The following ABLIM2 variants were observed in gnomAD, a reference collection of about 807,000 sequenced individuals.
The protein encoded by ABLIM2 is actin binding LIM protein family member 2, also known as actin-binding LIM protein 2.
In ABLIM2, 53 loss-of-function variants were observed where a neutral mutation model predicts 97.7. The ratio of observed to expected loss-of-function variants is 0.54; its 90% CI spans 0.44 to 0.68. The LOEUF (loss-of-function observed/expected upper bound fraction) is 0.68, where lower values mean the gene tolerates loss of function less well. ABLIM2 is among the 30% of genes least tolerant of loss of function. The probability of loss-of-function intolerance (pLI) is 0.00; values close to 1 mark genes in which losing one functional copy is unlikely to be tolerated. For missense variants in ABLIM2, 835 were observed against 867.2 expected, an observed-to-expected ratio of 0.96 and a Z score of 0.47; for synonymous variants, 361 against 345.8, an observed-to-expected ratio of 1.04 and a Z score of -0.49.
chr4:8,141,181 C>T (rs1320689381), intron 1 of ABLIM2, among the ~76,000 whole-genome samples: 3 of 152,056 alleles, frequency 2.0e-5, no homozygotes, highest in South Asian at 2.1e-4. Context: ...TGACCTTGGC[C>T]ACCCCCTCTC....
Position 8,058,197 on chromosome 4 carries a change from C to T in ABLIM2, c.763+2770G>A, listed in dbSNP as rs991903321. Among the ~76,000 whole-genome samples the T allele has an allele frequency of 2.0e-5, 3 of 152,370 alleles. No homozygotes were observed. Among genetic ancestry groups the T allele is most frequent in the Middle Eastern group, 6.8e-3 (2 of 294 alleles). On this transcript the variant is annotated intron_variant, in intron 7 of 20. Transcript: ENST00000447017. This position sits in a 1 kb window ranked among gnomAD's most constrained non-coding sequence, Gnocchi z 4.2. ...CCCCACTGTCTAAGGGTGCCCTTTA[C>T]TGTGGGGGCCAAACCCCATGCAGAG... is the stretch of plus-strand genomic sequence containing the variant.
chr4:8,092,023 A>C (rs1160962202), intron 3 of ABLIM2, among the ~76,000 whole-genome samples: 1 of 144,936 alleles, frequency 6.9e-6, no homozygotes, highest in African/African-American at 2.6e-5. Context: ...TTTGAGACAG[A>C]GTCTTGCTCT....
chr4:8,039,742 C>A (rs1000579608), intron 9 of ABLIM2, among the ~76,000 whole-genome samples: 2 of 152,160 alleles, frequency 1.3e-5, no homozygotes, highest in African/African-American at 4.8e-5. Context: ...ATAATATGTT[C>A]AGTGTGACCC....
chr4:8,077,902 G>A (rs1817293927), intron 5 of ABLIM2, among the ~76,000 whole-genome samples, 181 bp from the exon 6 acceptor site: 2 of 152,220 alleles, frequency 1.3e-5, no homozygotes, highest in African/African-American at 4.8e-5. Context: ...AGCCCCATGA[G>A]AAATATGATG....
Position 7,965,779 on chromosome 4 carries a change from CATCTCCATCCTATCTCCATCCT to C in ABLIM2, c.*1189_*1210del, listed in dbSNP as rs34296042. The C allele has an allele frequency of 6.6e-6, 1 of 152,164 alleles. No individual in the cohort carries two copies. Among genetic ancestry groups the C allele is most frequent in the African/African-American group, 2.4e-5 (1 of 41,408 alleles). The allele number at this position is 152,164 out of a possible 1,614,324, so 9.4% of individuals were successfully genotyped here. Reference sequence around the variant, plus strand: ...CTGGCTTCAAAGATGAGAAGAGCCACATCTCCATCCTATCTCCATCCTATCTCCATCCTTCTCTCCCCAACAG... The same window carrying C: ...CTGGCTTCAAAGATGAGAAGAGCCACATCTCCATCCTTCTCTCCCCAACAG... On this transcript the variant is annotated 3_prime_UTR_variant, in exon 21 of 21. Coordinates refer to ENST00000447017, the MANE Select transcript of ABLIM2 (RefSeq NM_001130083.2).
rs1400270223 is a variant in ABLIM2, at chr4:8,054,570, T to A, written c.764-324A>T. Among the ~76,000 whole-genome samples the A allele has an allele frequency of 2.0e-5, 3 of 152,212 alleles. No homozygotes were observed. The highest frequency in any genetic ancestry group is 4.4e-5 in the Non-Finnish European group (3 of 68,024). On this transcript the variant is annotated intron_variant, in intron 7 of 20. Coordinates refer to ENST00000447017, the MANE Select transcript of ABLIM2 (RefSeq NM_001130083.2). This position sits in a 1 kb window ranked among gnomAD's most constrained non-coding sequence, Gnocchi z 4.9. ...AACCTGGGGGGCAGCTGGAAGATTC[T>A]TCTCTGAGGAGGGGGTATTTGAAGG... is the stretch of plus-strand genomic sequence containing the variant.
intron 20 of ABLIM2, among the ~76,000 whole-genome samples, chr4:7,981,179 A>G (rs1401094018): frequency 2.0e-5 from 3 of 151,828 alleles, no homozygotes; most frequent in African/African-American, 4.8e-5. Flanking sequence ...TCCTGACCTC[A>G]TGATCTGCCC....
Position 8,095,996 on chromosome 4 carries a change from T to C in ABLIM2, c.338+1103A>G, listed in dbSNP as rs966941910. ...CGGCGCTCTTGCTCTGTGGTGCCCC[T>C]GCCCCTCTGGTATTCTGCCCAACAT... On this transcript the variant is annotated intron_variant, in intron 3 of 20. Transcript: ENST00000447017. The surrounding 1 kb of genome is among the most constrained non-coding windows in gnomAD (Gnocchi z 4.7). Among the ~76,000 whole-genome samples the C allele has an allele frequency of 6.6e-6, 1 of 152,192 alleles. No individual in the cohort carries two copies. The highest frequency in any genetic ancestry group is 2.4e-5 in the African/African-American group (1 of 41,438).
chr4:8,033,246 A>G lies in ABLIM2; in HGVS notation c.1047+2903T>C, dbSNP rs1429548901. On this transcript the variant is annotated intron_variant, in intron 10 of 20. Transcript: ENST00000447017. This position sits in a 1 kb window ranked among gnomAD's most constrained non-coding sequence, Gnocchi z 4.5. ...GCATGGAGGTGGGAGGGGCCCAGAAAGAGCACAGCCCTTGTGAGGTGAGCA... is the reference window on the plus strand; with the variant it reads ...GCATGGAGGTGGGAGGGGCCCAGAAGGAGCACAGCCCTTGTGAGGTGAGCA... Among the ~76,000 whole-genome samples, 2 of 152,226 alleles carry G rather than the reference A, an allele frequency of 1.3e-5. No individual in the cohort carries two copies. Among genetic ancestry groups the G allele is most frequent in the Non-Finnish European group, 2.9e-5 (2 of 68,034 alleles).
chr4:8,016,468 G>C (rs1301943970), intron 14 of ABLIM2, among the ~76,000 whole-genome samples: 1 of 152,142 alleles, frequency 6.6e-6, no homozygotes, highest in Non-Finnish European at 1.5e-5. Flanking sequence ...AGCCCCACGG[G>C]TTATATGGCC....
At chr4:8,047,999 T>C (rs1793657137) in intron 8 of ABLIM2, among the ~76,000 whole-genome samples, 2 of 152,224 alleles carry the variant, frequency 1.3e-5, no homozygotes, top group Admixed American at 1.3e-4. Flanking sequence ...TTTCACAGCC[T>C]CCAACTGTGC....
intron 14 of ABLIM2, chr4:8,010,354 CA>C (rs1358583242): frequency 4.1e-5 from 40 of 985,342 alleles, no homozygotes; most frequent in Non-Finnish European, 4.8e-5. Context: ...AACAATTACA[CA>C]AAAACCCGTC....
At chr4:7,983,759 G>T (rs553327474) in intron 18 of ABLIM2, among the ~76,000 whole-genome samples, 1 of 152,336 alleles carries the variant, frequency 6.6e-6, no homozygotes, top group Non-Finnish European at 1.5e-5. Flanking sequence ...CGGGAAACCA[G>T]AGCAGGAGGC....
Position 8,046,038 on chromosome 4 carries a change from T to C in ABLIM2, c.823-797A>G, listed in dbSNP as rs1362671561. ...TCCCACCTGACACACAACTTAGAAA[T>C]GGCCCTTCGGAGCCCCCTGGCAGCC... On this transcript the variant is annotated intron_variant, in intron 8 of 20. Transcript: ENST00000447017. This position sits in a 1 kb window ranked among gnomAD's most constrained non-coding sequence, Gnocchi z 4.4. Among the ~76,000 whole-genome samples the C allele has an allele frequency of 7.9e-5, 12 of 152,130 alleles. No homozygotes were observed. The highest frequency in any genetic ancestry group is 2.9e-4 in the African/African-American group (12 of 41,424).
At position 7,986,766 on chromosome 4, in the gene ABLIM2, G is replaced by A. The variant is rs955360266; in HGVS notation, c.1681-1873C>T. 2.0e-5 allele frequency among the ~76,000 whole-genome samples: 3 copies of A among 151,944 alleles called. No individual in the cohort carries two copies. Among genetic ancestry groups the A allele is most frequent in the East Asian group, 1.9e-4 (1 of 5,176 alleles). On this transcript the variant is annotated intron_variant, in intron 17 of 20. Transcript: ENST00000447017. This position sits in a 1 kb window ranked among gnomAD's most constrained non-coding sequence, Gnocchi z 4.3. Reference sequence around the variant, plus strand: ...CGGCTCAATGCAAACTCCACCTCCCGGGTTCAAGTGATTCTCCTGCCTCAG... The same window carrying A: ...CGGCTCAATGCAAACTCCACCTCCCAGGTTCAAGTGATTCTCCTGCCTCAG...
chr4:8,089,732 C>CAAAAAAAAAA (rs58396378), intron 3 of ABLIM2, among the ~76,000 whole-genome samples: 1 of 87,672 alleles, frequency 1.1e-5, no homozygotes. Flanking sequence ...AGATTCATAT[C>CAAAAAAAAAA]AAAAAAAAAA....
rs1371641606 is a variant in ABLIM2, at chr4:8,008,174, C to T, written c.1503G>A (p.Lys501=). The change falls in exon 16 of 21, where the codon AAG becomes AAA. Residue 501 remains lysine (K), a synonymous_variant. Transcript: ENST00000447017. ...RKQKSSWLML[K]GDADTRTNSP... is the part of the protein sequence containing the mutation. Reference sequence around the variant, plus strand: ...AATTGGTCCTTGTGTCTGCATCCCCCTTGAGCATCAGCCAGCTGCTCTTCT... The same window carrying T: ...AATTGGTCCTTGTGTCTGCATCCCCTTTGAGCATCAGCCAGCTGCTCTTCT... The T allele has an allele frequency of 1.2e-6, 2 of 1,613,726 alleles. No homozygotes were observed. Among genetic ancestry groups the T allele is most frequent in the African/African-American group, 2.7e-5 (2 of 74,940 alleles).
intron 9 of ABLIM2, among the ~76,000 whole-genome samples, chr4:8,039,893 T>TC (rs1364379684): frequency 1.1e-4 from 16 of 145,470 alleles, no homozygotes; most frequent in Non-Finnish European, 1.8e-4. Context: ...TTTTTTTTTT[T>TC]TTTAATAAAT....
At position 8,019,022 on chromosome 4, in the gene ABLIM2, T is replaced by A. The variant is rs1163865049; in HGVS notation, c.1423+596A>T. Among the ~76,000 whole-genome samples the A allele has an allele frequency of 3.9e-5, 6 of 152,156 alleles. No individual in the cohort carries two copies. In the South Asian group the frequency reaches 6.2e-4, roughly 16 times the overall value. On this transcript the variant is annotated intron_variant, in intron 14 of 20. Transcript: ENST00000447017. This position sits in a 1 kb window ranked among gnomAD's most constrained non-coding sequence, Gnocchi z 4.3. Reference sequence around the variant, plus strand: ...GAGAGGGGAGACCATGTGGCCCCGATTCCTGCTCCATGGCCCACGCAAGCT... The same window carrying A: ...GAGAGGGGAGACCATGTGGCCCCGAATCCTGCTCCATGGCCCACGCAAGCT...
Sources: allele counts gnomAD v4.1 joint callset (sites outside exome capture counted in the v4.1 genomes callset), GRCh38; gene constraint gnomAD v4.1.1; non-coding constraint Gnocchi (gnomAD v3.1); transcripts MANE v1.5; gene names NCBI Gene and HGNC (gene_info 2026-07-23, HGNC 2026-07-21).